Variants in MACROD2 observed in about 807,000 individuals in gnomAD.
MACROD2 encodes ADP-ribose glycohydrolase MACROD2.
A neutral mutation model predicts 70.4 loss-of-function variants in MACROD2; 36 were observed. That is an observed-to-expected ratio of 0.51 (90% CI 0.39 to 0.68). The LOEUF (loss-of-function observed/expected upper bound fraction) is 0.68, where lower values mean the gene tolerates loss of function less well. MACROD2 is among the 30% of genes least tolerant of loss of function. The pLI is 0.00. For missense variants in MACROD2, 496 were observed against 538.4 expected (o/e 0.92, Z 0.78); for synonymous variants, 172 against 178.8 (o/e 0.96, Z 0.30).
At chr20:15,751,902 T>A (rs2051277359) in intron 8 of MACROD2, among the ~76,000 whole-genome samples, 1 of 151,212 alleles carries the variant, frequency 6.6e-6, no homozygotes, top group Non-Finnish European at 1.5e-5. Context: ...TCAGTGTACA[T>A]CAAATGTGCT....
chr20:14,408,280 T>C (rs1600210005), intron 3 of MACROD2, among the ~76,000 whole-genome samples: 1 of 152,300 alleles, frequency 6.6e-6, no homozygotes, highest in East Asian at 1.9e-4. Flanking sequence ...CTGTCTTATA[T>C]CTGAGAAGGA....
At chr20:15,647,408 G>A (rs2049564723) in intron 8 of MACROD2, among the ~76,000 whole-genome samples, 1 of 148,684 alleles carries the variant, frequency 6.7e-6, no homozygotes, top group Non-Finnish European at 1.5e-5. Context: ...AGACAAGAGA[G>A]GAAGTCATAG....
intron 3 of MACROD2, among the ~76,000 whole-genome samples, chr20:14,105,433 T>A (rs1294972339): frequency 2.0e-5 from 3 of 152,196 alleles, no homozygotes; most frequent in African/African-American, 7.2e-5. Flanking sequence ...CCAGTACCTG[T>A]GCATGGAAGG....
intron 3 of MACROD2, among the ~76,000 whole-genome samples, chr20:14,272,720 A>T (rs548413868): frequency 9.5e-4 from 144 of 152,172 alleles, no homozygotes; most frequent in African/African-American, 3.3e-3. Context: ...AAGAGTCAAG[A>T]CCCATCAGTG....
intron 4 of MACROD2, chr20:14,554,561 A>G (rs188085092): frequency 6.6e-6 from 1 of 152,274 alleles, no homozygotes; most frequent in East Asian, 1.9e-4. Flanking sequence ...TTATGACAGT[A>G]GTTTGGTCTT....
intron 8 of MACROD2, among the ~76,000 whole-genome samples, chr20:15,858,076 A>G (rs2147157160): frequency 6.6e-6 from 1 of 151,244 alleles, no homozygotes. Flanking sequence ...TCTAAAAAAG[A>G]AGACACCTGA....
At chr20:14,025,331 A>G (rs996537271) in intron 2 of MACROD2, among the ~76,000 whole-genome samples, 3 of 152,080 alleles carry the variant, frequency 2.0e-5, no homozygotes, top group Non-Finnish European at 4.4e-5. Flanking sequence ...GGATTCATTG[A>G]TGTTTTGACG....
At chr20:15,381,499 CA>C (rs11397524) in intron 6 of MACROD2, among the ~76,000 whole-genome samples, 1 of 149,904 alleles carries the variant, frequency 6.7e-6, no homozygotes, top group African/African-American at 2.5e-5. Flanking sequence ...CCCATCTCTA[CA>C]AAAAAAAATA....
chr20:14,249,137 T>C (rs569899742), intron 3 of MACROD2, among the ~76,000 whole-genome samples: 1 of 147,522 alleles, frequency 6.8e-6, no homozygotes, highest in Non-Finnish European at 1.5e-5. Context: ...GGTTTTTTTT[T>C]TTTTTTTTTT....
chr20:15,613,014 C>A (rs1421210101), intron 8 of MACROD2, among the ~76,000 whole-genome samples: 1 of 152,214 alleles, frequency 6.6e-6, no homozygotes, highest in Admixed American at 6.5e-5. Flanking sequence ...ATGAAGAAAT[C>A]ATTTTCCCTG....
At chr20:15,167,203 A>G (rs1256788096) in intron 5 of MACROD2, among the ~76,000 whole-genome samples, 2 of 152,164 alleles carry the variant, frequency 1.3e-5, no homozygotes, top group Non-Finnish European at 2.9e-5. Flanking sequence ...TTAAAGATAC[A>G]AGAAGTGTGT....
chr20:14,798,811 A>G (rs1335365341), intron 5 of MACROD2, among the ~76,000 whole-genome samples: 1 of 152,044 alleles, frequency 6.6e-6, no homozygotes, highest in South Asian at 2.1e-4. Context: ...TGAGACATTT[A>G]TAAGTATGCT....
intron 4 of MACROD2, among the ~76,000 whole-genome samples, chr20:14,659,475 G>T (rs1209400195): frequency 6.6e-6 from 1 of 152,150 alleles, no homozygotes; most frequent in African/African-American, 2.4e-5. Flanking sequence ...CCACCAGACA[G>T]TTGCTTGGTT....
chr20:14,293,296 A>G (rs2082400950), intron 3 of MACROD2, among the ~76,000 whole-genome samples: 1 of 151,824 alleles, frequency 6.6e-6, no homozygotes, highest in Non-Finnish European at 1.5e-5. Flanking sequence ...AACAGCTAAC[A>G]AACACTCAAA....
intron 4 of MACROD2, among the ~76,000 whole-genome samples, chr20:14,670,965 G>A (rs2070788447): frequency 6.6e-6 from 1 of 152,160 alleles, no homozygotes; most frequent in Admixed American, 6.6e-5. Context: ...TGCTATGGAA[G>A]TAAGCCCTCT....
chr20:15,009,683 A>G (rs1485205889), intron 5 of MACROD2, among the ~76,000 whole-genome samples: 1 of 152,066 alleles, frequency 6.6e-6, no homozygotes, highest in East Asian at 1.9e-4. Context: ...TTGAAATAGA[A>G]GATAAACTAA....
chr20:14,212,179 G>GTATTTTATAAATTATAAATTATAA (rs2081576690), intron 3 of MACROD2, among the ~76,000 whole-genome samples: 1 of 152,032 alleles, frequency 6.6e-6, no homozygotes, highest in East Asian at 1.9e-4. Flanking sequence ...AATTATTACT[G>GTATTTTATAAATTATAAATTATAA]TTCAAAAAAT....
At position 14,130,922 on chromosome 20, in the gene MACROD2, T is replaced by G. The variant is rs944510691; in HGVS notation, c.271+45194T>G. Among the ~76,000 whole-genome samples the G allele has an allele frequency of 7.8e-5, 9 of 116,040 alleles. 1 individual carries two copies. Among genetic ancestry groups the G allele is most frequent in the South Asian group, 2.6e-4 (1 of 3,918 alleles). The allele number at this position is 116,040 out of a possible 152,430, so 76.1% of individuals were successfully genotyped here. A position where few individuals can be genotyped will look rare whatever the true frequency, so the allele number is the denominator to read the frequency against. On this transcript the variant is annotated intron_variant, in intron 3 of 17. Coordinates refer to ENST00000684519, the MANE Select transcript of MACROD2 (RefSeq NM_001351661.2). The stretch of plus-strand genomic sequence containing the variant: ...ATATAGAAAATTTAAAATAATTGTG[T>G]TTTTTTTGTTTTTTTTTTTTTTTCT...
At chr20:15,813,870 G>A (rs1183170729) in intron 8 of MACROD2, among the ~76,000 whole-genome samples, 3 of 152,236 alleles carry the variant, frequency 2.0e-5, no homozygotes, top group Admixed American at 6.5e-5. Flanking sequence ...ACTAGCCCAC[G>A]GAGTTCACTA....
Sources: gnomAD v4.1 joint callset for allele counts (sites outside exome capture counted in the v4.1 genomes callset) on GRCh38, gnomAD v4.1.1 for gene constraint, MANE v1.5 for transcripts, NCBI Gene and HGNC (gene_info 2026-07-23, HGNC 2026-07-21) for gene names.